AGTPBP1: variants seen among roughly 807,000 people sequenced by gnomAD.
AGTPBP1 encodes ATP/GTP binding carboxypeptidase 1.
A neutral mutation model predicts 143.9 loss-of-function variants in AGTPBP1; 70 were observed. The ratio of observed to expected loss-of-function variants is 0.49; its 90% CI spans 0.40 to 0.59. The LOEUF (loss-of-function observed/expected upper bound fraction) is 0.59, where lower values mean the gene tolerates loss of function less well. AGTPBP1 is among the 20% of genes least tolerant of loss of function. AGTPBP1 has a pLI of 0.00. For missense variants in AGTPBP1, 1,229 were observed against 1,464.5 expected, an observed-to-expected ratio of 0.84 and a Z score of 2.62; for synonymous variants, 463 against 500.2, an observed-to-expected ratio of 0.93 and a Z score of 0.99.
chr9:85,642,784 T>A, intron 13 of AGTPBP1, 43 bp downstream of exon 13: 1 of 1,468,914 alleles, frequency 6.8e-7, no homozygotes, highest in Non-Finnish European at 9.3e-7. Flanking sequence ...AAAATAACTT[T>A]TTATTAAAAT....
intron 25 of AGTPBP1, among the ~76,000 whole-genome samples, chr9:85,562,892 G>A (rs936610630): frequency 6.6e-6 from 1 of 152,146 alleles, no homozygotes; most frequent in African/African-American, 2.4e-5. Context: ...GCGGGCCTTT[G>A]GGAGGTGATC....
At chr9:85,768,256 G>A in the AGTPBP1 span, among the ~76,000 whole-genome samples, 3 of 152,148 alleles carry the variant, frequency 2.0e-5, no homozygotes, top group Non-Finnish European at 2.9e-5. Flanking sequence ...ATACGAAATT[G>A]TCCTCAGCCA....
the AGTPBP1 span, chr9:85,785,860 T>C: frequency 1.4e-5 from 4 of 294,574 alleles, no homozygotes; most frequent in East Asian, 3.1e-4. Flanking sequence ...CCCAAAAGAC[T>C]ATTTCTCAAT....
chr9:85,751,941 G>A, the AGTPBP1 span, among the ~76,000 whole-genome samples: 1 of 151,226 alleles, frequency 6.6e-6, no homozygotes, highest in South Asian at 2.1e-4. Flanking sequence ...TTAAGATGTG[G>A]ATGGAGGCTG....
chr9:85,760,257 T>A, the AGTPBP1 span, among the ~76,000 whole-genome samples: 265 of 152,282 alleles, frequency 1.7e-3, 6 homozygotes, highest in Admixed American at 0.013. Context: ...GAATCCTCCC[T>A]AACTCATTTT....
chr9:85,694,222 C>G (rs1361442138), intron 2 of AGTPBP1, among the ~76,000 whole-genome samples: 8 of 152,186 alleles, frequency 5.3e-5, no homozygotes, highest in Admixed American at 5.2e-4. Flanking sequence ...AAAGAACAAT[C>G]CACTCGTACA....
At chr9:85,674,613 AAAAT>A (rs1175402059) in intron 6 of AGTPBP1, among the ~76,000 whole-genome samples, 1 of 152,132 alleles carries the variant, frequency 6.6e-6, no homozygotes, top group East Asian at 1.9e-4. Flanking sequence ...GAGCTAAAGA[AAAAT>A]AAGAGACAGC....
intron 1 of AGTPBP1, among the ~76,000 whole-genome samples, chr9:85,729,200 T>G (rs186572234): frequency 1.3e-5 from 2 of 152,098 alleles, no homozygotes; most frequent in Admixed American, 1.3e-4. Context: ...GATATCCACA[T>G]GCCAAAGAAT....
chr9:85,630,537 T>G (rs1053449839), intron 14 of AGTPBP1, among the ~76,000 whole-genome samples: 1 of 152,020 alleles, frequency 6.6e-6, no homozygotes, highest in African/African-American at 2.4e-5. Context: ...TGGAGTGCAG[T>G]GGCACGATCA....
chr9:85,696,218 T>C (rs962695485), intron 2 of AGTPBP1, among the ~76,000 whole-genome samples: 1 of 152,198 alleles, frequency 6.6e-6, no homozygotes, highest in African/African-American at 2.4e-5. Flanking sequence ...ATAGATTTGT[T>C]GCTGATGATA....
intron 11 of AGTPBP1, among the ~76,000 whole-genome samples, chr9:85,646,834 C>T (rs1047818701): frequency 7.2e-5 from 11 of 152,028 alleles, no homozygotes; most frequent in South Asian, 6.2e-4. Context: ...ATGTGTAAAT[C>T]GGGTTGTCTA....
intron 17 of AGTPBP1, among the ~76,000 whole-genome samples, chr9:85,607,599 TATAG>T (rs2133390502): frequency 6.6e-6 from 1 of 152,202 alleles, no homozygotes; most frequent in East Asian, 1.9e-4. Flanking sequence ...TTGCCTCAAA[TATAG>T]ATAATCAAAA....
intron 25 of AGTPBP1, among the ~76,000 whole-genome samples, chr9:85,564,994 C>A (rs1342387398): frequency 6.6e-6 from 1 of 152,124 alleles, no homozygotes; most frequent in Non-Finnish European, 1.5e-5. Flanking sequence ...GAGAAGAAGG[C>A]CACCTATGAG....
At chr9:85,575,226 C>T in intron 25 of AGTPBP1, 89 bp downstream of exon 25, 1 of 937,828 alleles carries the variant, frequency 1.1e-6, no homozygotes, top group Non-Finnish European at 1.5e-6. Flanking sequence ...ATGCTCTTGC[C>T]TGTCAAAATT....
chr9:85,589,304 G>C (rs62566899), intron 20 of AGTPBP1, among the ~76,000 whole-genome samples: 19 of 152,042 alleles, frequency 1.2e-4, no homozygotes, highest in African/African-American at 4.3e-4. Context: ...GACAGTGGTA[G>C]CAAAAGAGAC....
chr9:85,655,959 C>T (rs775430828), intron 10 of AGTPBP1, among the ~76,000 whole-genome samples: 1 of 152,140 alleles, frequency 6.6e-6, no homozygotes, highest in Non-Finnish European at 1.5e-5. Context: ...TCCCGAGTAG[C>T]TGGGACTACA....
At position 85,681,321 on chromosome 9, in the gene AGTPBP1, C is replaced by T; in HGVS notation, c.172G>A (p.Glu58Lys). The T allele has an allele frequency of 6.2e-7, 1 of 1,611,676 alleles. No homozygotes were observed. Residue 58 changes from glutamate to lysine, a missense_variant, in exon 4 of 26, where the codon GAA becomes AAA. By Grantham distance (56) the Glu-to-Lys change is moderately conservative. Around this residue, in one of 2 missense-constraint regions of AGTPBP1, gnomAD observed 743 missense variants for 812.2 expected, o/e 0.91. Transcript: ENST00000357081. ...CCTGTAGAACCTTTGGCTGTCATTT[C>T]TCTCCTTGTTTTTTCTGAAAAGTAG... is the stretch of plus-strand genomic sequence containing the variant. ...LAQSQEKTRR[E>K]MTAKGSTGME...
At chr9:85,764,253 G>A in the AGTPBP1 span, among the ~76,000 whole-genome samples, 5 of 152,038 alleles carry the variant, frequency 3.3e-5, no homozygotes, top group African/African-American at 7.2e-5. Flanking sequence ...ACCCCGGTCG[G>A]GTGGGTGTCT....
the AGTPBP1 span, among the ~76,000 whole-genome samples, chr9:85,803,484 G>A: frequency 3.9e-5 from 6 of 152,078 alleles, no homozygotes; most frequent in South Asian, 2.1e-4. Flanking sequence ...AAATCTCTTC[G>A]GGTTCTTGTT....
Sources: allele counts gnomAD v4.1 joint callset (sites outside exome capture counted in the v4.1 genomes callset), GRCh38; gene constraint gnomAD v4.1.1; regional missense constraint gnomAD v4.1.1; transcripts MANE v1.5; gene names NCBI Gene and HGNC (gene_info 2026-07-23, HGNC 2026-07-21).